The following TMEM132B variants were observed in gnomAD, a reference collection of about 807,000 sequenced individuals.
TMEM132B encodes transmembrane protein 132B.
Under a neutral mutation model 90.8 loss-of-function variants are expected in TMEM132B, and 18 were observed. The observed-to-expected ratio is 0.20, with a 90% CI of 0.14 to 0.29. The LOEUF (loss-of-function observed/expected upper bound fraction) is 0.29, where lower values mean the gene tolerates loss of function less well. Ranked by LOEUF, TMEM132B falls within the 10% of genes least tolerant of loss-of-function variation. The probability of loss-of-function intolerance (pLI) is 1.00; values close to 1 mark genes in which losing one functional copy is unlikely to be tolerated. For missense variants in TMEM132B, 1,096 were observed against 1,326.8 expected (o/e 0.83, Z 2.70); for synonymous variants, 504 against 523.3 (o/e 0.96, Z 0.50).
chr12:125,449,750 G>C (rs1365761367), intron 3 of TMEM132B, among the ~76,000 whole-genome samples: 3 of 151,838 alleles, frequency 2.0e-5, no homozygotes, highest in Non-Finnish European at 4.4e-5. Context: ...AAAGATTAAA[G>C]TATCAGTAGG....
At position 125,194,275 on chromosome 12, in the gene TMEM132B, G is replaced by GC. The variant is rs1337057867; in HGVS notation, c.67+7409_67+7410insC. Among the ~76,000 whole-genome samples, 12 of 152,134 alleles carry GC rather than the reference G, an allele frequency of 7.9e-5. No homozygotes were observed. The East Asian group carries it at 1.6e-3, about 20-fold the overall frequency. On this transcript the variant is annotated intron_variant, in intron 1 of 8. Transcript: ENST00000682704. ...TGGTCTGAATTAACCCGTTGGTGGG[G>GC]GGGTCTTACTCATTGTGGCCACGCC...
chr12:125,430,291 C>T (rs1038263405), intron 3 of TMEM132B, among the ~76,000 whole-genome samples: 1 of 152,208 alleles, frequency 6.6e-6, no homozygotes, highest in Non-Finnish European at 1.5e-5. Flanking sequence ...TGTCTGCACA[C>T]TGGAGAGCTA....
At chr12:125,595,019 C>T (rs16919295) in intron 5 of TMEM132B, among the ~76,000 whole-genome samples, 49,735 of 151,934 alleles carry the variant, frequency 0.33, 8,297 homozygotes, top group South Asian at 0.41. Flanking sequence ...AAAGGCATGA[C>T]GGGAACTCAG....
chr12:125,389,765 A>G (rs1878954884), intron 2 of TMEM132B, among the ~76,000 whole-genome samples: 1 of 152,200 alleles, frequency 6.6e-6, no homozygotes, highest in Admixed American at 6.5e-5. Flanking sequence ...ATACATTGGC[A>G]GTCTTTTAGC....
At chr12:125,624,892 T>C (rs536423604) in intron 5 of TMEM132B, among the ~76,000 whole-genome samples, 190 of 152,244 alleles carry the variant, frequency 1.2e-3, no homozygotes, top group African/African-American at 4.3e-3. Context: ...AATGTGCTTT[T>C]TGTGTAGAAC....
chr12:125,629,881 C>A, intron 5 of TMEM132B, among the ~76,000 whole-genome samples: 1 of 152,240 alleles, frequency 6.6e-6, no homozygotes, highest in Non-Finnish European at 1.5e-5. Flanking sequence ...TCTTTTTCAG[C>A]ATCAGTTGAA....
chr12:125,473,827 GT>G (rs1012032365), intron 3 of TMEM132B, among the ~76,000 whole-genome samples: 8 of 152,090 alleles, frequency 5.3e-5, no homozygotes, highest in Non-Finnish European at 7.4e-5. Flanking sequence ...TGTTGAAGGA[GT>G]TTTTTTTCTT....
chr12:125,296,963 C>G (rs923505265), intron 1 of TMEM132B, among the ~76,000 whole-genome samples: 1 of 152,266 alleles, frequency 6.6e-6, no homozygotes, highest in Non-Finnish European at 1.5e-5. Context: ...GCATGCTTGT[C>G]CCTAACAGGT....
chr12:125,253,975 C>A (rs976410601), intron 1 of TMEM132B, among the ~76,000 whole-genome samples: 1 of 151,942 alleles, frequency 6.6e-6, no homozygotes, highest in African/African-American at 2.4e-5. Flanking sequence ...AATAAATGGG[C>A]GAAGGAGGGA....
intron 5 of TMEM132B, among the ~76,000 whole-genome samples, chr12:125,590,057 G>C (rs1384295868): frequency 6.6e-6 from 1 of 152,124 alleles, no homozygotes; most frequent in Non-Finnish European, 1.5e-5. Flanking sequence ...TTGTTTAAAA[G>C]TGTGTGGCAC....
chr12:125,266,342 GC>G (rs1455797525), intron 1 of TMEM132B, among the ~76,000 whole-genome samples: 1 of 152,212 alleles, frequency 6.6e-6, no homozygotes, highest in Non-Finnish European at 1.5e-5. Context: ...GAAAACATTT[GC>G]CAAGGTCTGC....
At chr12:125,229,427 A>G (rs903353452) in intron 1 of TMEM132B, among the ~76,000 whole-genome samples, 1 of 152,136 alleles carries the variant, frequency 6.6e-6, no homozygotes, top group Non-Finnish European at 1.5e-5. Context: ...CTCTTCCATT[A>G]CCTGCCTCTT....
chr12:125,372,256 C>T (rs1006222254), intron 2 of TMEM132B, among the ~76,000 whole-genome samples: 13 of 152,208 alleles, frequency 8.5e-5, no homozygotes, highest in African/African-American at 2.4e-4. Flanking sequence ...GCTGACTTGG[C>T]GGAGCCTGTG....
At chr12:125,639,505 A>G (rs1886574082) in intron 5 of TMEM132B, among the ~76,000 whole-genome samples, 1 of 152,252 alleles carries the variant, frequency 6.6e-6, no homozygotes, top group Admixed American at 6.5e-5. Context: ...ATTAGCAGAG[A>G]CAGCAGGGAA....
intron 1 of TMEM132B, among the ~76,000 whole-genome samples, chr12:125,333,131 G>A (rs1273119287): frequency 2.0e-5 from 3 of 152,204 alleles, no homozygotes; most frequent in African/African-American, 7.2e-5. Context: ...GGTGTTGCCA[G>A]TGATCTTTGG....
intron 1 of TMEM132B, chr12:125,301,296 A>G (rs1875817467): frequency 6.6e-6 from 1 of 152,222 alleles, no homozygotes. Context: ...GCTTGATTGC[A>G]TTCAGGGCTG....
chr12:125,393,819 G>C (rs2136307397), intron 2 of TMEM132B, among the ~76,000 whole-genome samples: 1 of 152,314 alleles, frequency 6.6e-6, no homozygotes, highest in East Asian at 1.9e-4. Context: ...GAACTTCATG[G>C]GACAAACCCA....
At chr12:125,324,634 G>T (rs1039757698) in intron 1 of TMEM132B, among the ~76,000 whole-genome samples, 3 of 152,156 alleles carry the variant, frequency 2.0e-5, no homozygotes, top group Non-Finnish European at 4.4e-5. Context: ...CCTCATAGGA[G>T]CCCAAACCCT....
intron 2 of TMEM132B, among the ~76,000 whole-genome samples, chr12:125,381,670 CTG>C (rs138043152): frequency 6.7e-5 from 10 of 149,874 alleles, no homozygotes; most frequent in South Asian, 2.1e-4. Context: ...GTGTCTACTA[CTG>C]TGTGTGTGTG....
Sources: gnomAD v4.1 joint callset for allele counts (sites outside exome capture counted in the v4.1 genomes callset) on GRCh38, gnomAD v4.1.1 for gene constraint, MANE v1.5 for transcripts, NCBI Gene and HGNC (gene_info 2026-07-23, HGNC 2026-07-21) for gene names.